HYDIN: variants seen among roughly 807,000 people sequenced by gnomAD.
HYDIN encodes HYDIN axonemal central pair apparatus protein, also known as axonemal central pair apparatus protein HYDIN.
In HYDIN, 132 loss-of-function variants were observed where a neutral mutation model predicts 403.9. The ratio of observed to expected loss-of-function variants is 0.33; its 90% CI spans 0.28 to 0.38. HYDIN has a LOEUF of 0.38. Ranked by LOEUF, HYDIN falls within the 10% of genes least tolerant of loss-of-function variation. The pLI, the probability that HYDIN is intolerant of heterozygous loss-of-function variation, is 1.00. For synonymous variants in HYDIN, 1,202 were observed against 1,891.7 expected, an observed-to-expected ratio of 0.64 and a Z score of 9.46; for missense variants, 2,827 against 5,009.5, an observed-to-expected ratio of 0.56 and a Z score of 13.15.
At chr16:71,016,131 C>T (rs138862173) in intron 23 of HYDIN, among the ~76,000 whole-genome samples, 1 of 152,122 alleles carries the variant, frequency 6.6e-6, no homozygotes, top group African/African-American at 2.4e-5. Context: ...CAAGTATGAC[C>T]ACACCAAACT....
At chr16:71,083,772 C>T (rs1470046906) in intron 12 of HYDIN, among the ~76,000 whole-genome samples, 2 of 151,392 alleles carry the variant, frequency 1.3e-5, no homozygotes, top group East Asian at 1.9e-4. Flanking sequence ...TCTGTCCAGC[C>T]GAGGTCATGA....
intron 57 of HYDIN, among the ~76,000 whole-genome samples, chr16:70,889,982 T>G (rs1484870623): frequency 6.6e-6 from 1 of 152,264 alleles, no homozygotes; most frequent in African/African-American, 2.4e-5. Flanking sequence ...AAATGCCTAC[T>G]TGAGTTCACT....
At chr16:71,177,451 C>A (rs2086716125) in intron 4 of HYDIN, among the ~76,000 whole-genome samples, 1 of 151,924 alleles carries the variant, frequency 6.6e-6, no homozygotes, top group African/African-American at 2.4e-5. Flanking sequence ...CCTTCCCTTT[C>A]ATTTCTGACC....
intron 52 of HYDIN, among the ~76,000 whole-genome samples, chr16:70,901,517 T>C (rs970996358): frequency 2.0e-5 from 3 of 151,682 alleles, no homozygotes; most frequent in Admixed American, 2.0e-4. Context: ...CATGGGGTAT[T>C]TGGTTTTCCG....
At chr16:71,215,399 T>C (rs368792112) in intron 1 of HYDIN, among the ~76,000 whole-genome samples, 3 of 152,112 alleles carry the variant, frequency 2.0e-5, no homozygotes, top group East Asian at 1.9e-4. Context: ...AGCTGATGAA[T>C]GAATGTACAA....
At chr16:71,110,637 A>C (rs1225087531) in intron 10 of HYDIN, among the ~76,000 whole-genome samples, 1 of 151,588 alleles carries the variant, frequency 6.6e-6, no homozygotes, top group Non-Finnish European at 1.5e-5. Context: ...GGTTTTATCG[A>C]GGGAAGGTGA....
At chr16:71,188,477 G>A (rs995220314) in intron 1 of HYDIN, among the ~76,000 whole-genome samples, 8 of 152,056 alleles carry the variant, frequency 5.3e-5, no homozygotes, top group African/African-American at 1.9e-4. Flanking sequence ...CAAAGATTGT[G>A]GTCTTGATTT....
At chr16:71,100,121 C>A (rs1597779845) in intron 10 of HYDIN, among the ~76,000 whole-genome samples, 1 of 152,084 alleles carries the variant, frequency 6.6e-6, no homozygotes, top group Admixed American at 6.5e-5. Context: ...TTTCAAGGTT[C>A]TATTTATAAT....
At chr16:70,937,158 G>A (rs559703347) in intron 44 of HYDIN, among the ~76,000 whole-genome samples, 6 of 128,722 alleles carry the variant, frequency 4.7e-5, no homozygotes, top group African/African-American at 9.7e-5. Flanking sequence ...GTGTGTGTGC[G>A]CGTGTGTGGT....
At chr16:71,219,370 A>G (rs1431650159) in intron 1 of HYDIN, among the ~76,000 whole-genome samples, 1 of 152,144 alleles carries the variant, frequency 6.6e-6, no homozygotes, top group South Asian at 2.1e-4. Context: ...TGCTTTTTCT[A>G]GTCATTTCAC....
intron 74 of HYDIN, 88 bp downstream of exon 74, chr16:70,850,360 A>G (rs910478641): frequency 8.7e-6 from 8 of 922,320 alleles, no homozygotes; most frequent in Non-Finnish European, 1.3e-5. Context: ...CATTTGAAGC[A>G]GAAAGACTCA....
chr16:71,169,965 T>C (rs1211879773), intron 5 of HYDIN, among the ~76,000 whole-genome samples: 1 of 152,210 alleles, frequency 6.6e-6, no homozygotes, highest in Admixed American at 6.5e-5. Context: ...TTACAAATAA[T>C]TATTTTTTTA....
At chr16:71,130,806 C>G (rs921762771) in intron 8 of HYDIN, among the ~76,000 whole-genome samples, 5 of 151,990 alleles carry the variant, frequency 3.3e-5, no homozygotes, top group Non-Finnish European at 7.4e-5. Flanking sequence ...GGTTTTCTCC[C>G]CCTGTCAACC....
Position 70,882,760 on chromosome 16 carries a change from T to C in HYDIN, c.10115A>G (p.Asn3372Ser), listed in dbSNP as rs377502834. 113 of 1,488,698 alleles carry C rather than the reference T, an allele frequency of 7.6e-5. No homozygotes were observed. Among genetic ancestry groups the C allele is most frequent in the Non-Finnish European group, 9.9e-5 (106 of 1,066,352 alleles). The allele number at this position is 1,488,698 out of a possible 1,614,324, so 92.2% of individuals were successfully genotyped here. Residue 3372 changes from asparagine to serine, a missense_variant, in exon 60 of 86, where the codon AAT (asparagine) becomes AGT (serine). Transcript: ENST00000393567. Reference protein sequence around the residue: ...VEDENKFIFCNVLVGRQAKAR... With the variant: ...VEDENKFIFCSVLVGRQAKAR... ...CTTGGCTTGGCGGCCCACCAGGACA[T>C]TGCAGAAGATGAACTTGTTCTCATC...
At chr16:71,015,271 T>C (rs1368144748) in intron 23 of HYDIN, among the ~76,000 whole-genome samples, 2 of 151,994 alleles carry the variant, frequency 1.3e-5, no homozygotes, top group Non-Finnish European at 2.9e-5. Context: ...GATAGGAAGA[T>C]GCCGAAGAAA....
intron 30 of HYDIN, among the ~76,000 whole-genome samples, chr16:70,978,392 A>G (rs1466633946): frequency 6.7e-6 from 1 of 149,654 alleles, no homozygotes; most frequent in Non-Finnish European, 1.5e-5. Context: ...GTAGAGATGG[A>G]GTTTCACCAT....
At chr16:70,862,021 G>A in intron 69 of HYDIN, 27 bp downstream of exon 69, 4 of 1,534,408 alleles carry the variant, frequency 2.6e-6, no homozygotes, top group Non-Finnish European at 3.5e-6. Flanking sequence ...TGCCAAGAAG[G>A]GTGTTGTGGC....
intron 18 of HYDIN, among the ~76,000 whole-genome samples, chr16:71,054,032 C>T (rs528772353): frequency 7.3e-4 from 111 of 151,952 alleles, no homozygotes; most frequent in Non-Finnish European, 9.0e-4. Flanking sequence ...AAGAGAATCT[C>T]GGTTATCTGA....
chr16:71,098,456 C>T (rs1233597955), intron 10 of HYDIN, among the ~76,000 whole-genome samples: 1 of 151,830 alleles, frequency 6.6e-6, no homozygotes, highest in Non-Finnish European at 1.5e-5. Flanking sequence ...CCCGCCTCAG[C>T]CTCCCAAAGT....
Sources: allele counts gnomAD v4.1 joint callset (sites outside exome capture counted in the v4.1 genomes callset), GRCh38; gene constraint gnomAD v4.1.1; transcripts MANE v1.5; gene names NCBI Gene and HGNC (gene_info 2026-07-23, HGNC 2026-07-21).